Variants in LPAR1 observed in about 807,000 individuals in gnomAD.
LPAR1 encodes LPA receptor 1.
In LPAR1, 5 loss-of-function variants were observed where a neutral mutation model predicts 23.8. That is an observed-to-expected ratio of 0.21 (90% CI 0.11 to 0.44). LPAR1 has a LOEUF of 0.44. LPAR1 is among the 20% of genes least tolerant of loss of function. LPAR1 has a pLI of 0.99. For missense variants in LPAR1, 311 were observed against 482.8 expected (o/e 0.64, Z 3.33); for synonymous variants, 160 against 164.7 (o/e 0.97, Z 0.22).
chr9:111,038,777 A>C, upstream of LPAR1: 1 of 345,648 alleles, frequency 2.9e-6, no homozygotes, highest in Non-Finnish European at 5.8e-6. This position sits in a 1 kb window ranked among gnomAD's most constrained non-coding sequence, Gnocchi z 4.4. Flanking sequence ...TTATCTCAGC[A>C]GCCTCCCCCG....
At chr9:110,969,429 T>C (rs2096336807) in intron 4 of LPAR1, among the ~76,000 whole-genome samples, 4 of 151,970 alleles carry the variant, frequency 2.6e-5, no homozygotes. Flanking sequence ...TACTGAATAG[T>C]GGTCGGGCGC....
intron 5 of LPAR1, among the ~76,000 whole-genome samples, chr9:110,912,550 A>C (rs2134453344): frequency 6.6e-6 from 1 of 152,168 alleles, no homozygotes; most frequent in African/African-American, 2.4e-5. Context: ...TCACAATAAA[A>C]CCCGTTTTCA....
chr9:110,876,184 A>G (rs769734941), intron 5 of LPAR1, among the ~76,000 whole-genome samples: 2 of 152,216 alleles, frequency 1.3e-5, no homozygotes, highest in African/African-American at 2.4e-5. Context: ...CATGTAATAA[A>G]CTGGGTGAAC....
At chr9:110,897,172 C>T (rs1011743) in intron 5 of LPAR1, among the ~76,000 whole-genome samples, 68,539 of 151,990 alleles carry the variant, frequency 0.45, 17,102 homozygotes, top group African/African-American at 0.68. Context: ...TCTCATCTTG[C>T]AGCTCCCATA....
chr9:110,901,953 T>C (rs987303368), intron 5 of LPAR1, among the ~76,000 whole-genome samples: 6 of 152,086 alleles, frequency 3.9e-5, no homozygotes, highest in Non-Finnish European at 8.8e-5. Context: ...CTGGACAAGA[T>C]GGTACAGATA....
intron 2 of LPAR1, among the ~76,000 whole-genome samples, chr9:110,999,769 G>A (rs917923785): frequency 9.2e-5 from 14 of 152,146 alleles, no homozygotes; most frequent in Admixed American, 3.3e-4. Context: ...GGAGTGGCGC[G>A]ATCTACCTCA....
In LPAR1 at chr9:110,968,445, TCA is replaced by T. The variant is rs145027778; in HGVS notation, c.45+3626_45+3627del. ...TTTGCTCCCTCTCTCTCTCTCTCTC[TCA>T]CACACACACATACCTTGGGACACTT... On this transcript the variant is annotated intron_variant, in intron 4 of 5. Transcript: ENST00000683809. Among the ~76,000 whole-genome samples the T allele has an allele frequency of 7.1e-3, 1,081 of 151,416 alleles. 17 individuals are homozygous for T. Among genetic ancestry groups the T allele is most frequent in the African/African-American group, 0.024 (1,011 of 41,284 alleles).
At chr9:110,886,704 A>G (rs2082524737) in intron 5 of LPAR1, among the ~76,000 whole-genome samples, 2 of 152,226 alleles carry the variant, frequency 1.3e-5, no homozygotes, top group Non-Finnish European at 2.9e-5. Flanking sequence ...TATTCTTCAC[A>G]TAGAAAATAA....
intron 4 of LPAR1, among the ~76,000 whole-genome samples, chr9:110,947,754 T>C (rs1374878640): frequency 6.6e-6 from 1 of 152,180 alleles, no homozygotes; most frequent in Non-Finnish European, 1.5e-5. Flanking sequence ...TGAAAGACAA[T>C]TACATACTCA....
chr9:110,980,428 A>G (rs901066046), intron 2 of LPAR1, among the ~76,000 whole-genome samples: 1 of 152,196 alleles, frequency 6.6e-6, no homozygotes, highest in Admixed American at 6.6e-5. Context: ...CAAGCCTCAG[A>G]GCTATTTGAC....
In LPAR1 at chr9:110,914,025, T is replaced by A. The variant is rs191954450; in HGVS notation, c.793+27396A>T. 2.6e-5 allele frequency among the ~76,000 whole-genome samples: 4 copies of A among 152,320 alleles called. No homozygotes were observed. The East Asian group carries it at 5.8e-4, about 22-fold the overall frequency. ...TTGGGACAAAAAGAAGTTCCCTCAT[T>A]GCTTTTTTCCTTTGGTTCCTGTCCT... On this transcript the variant is annotated intron_variant, in intron 5 of 5. Coordinates refer to ENST00000683809, the MANE Select transcript of LPAR1 (RefSeq NM_001351411.2).
chr9:110,913,489 G>A (rs1481726595), intron 5 of LPAR1, among the ~76,000 whole-genome samples: 1 of 147,102 alleles, frequency 6.8e-6, no homozygotes, highest in African/African-American at 2.5e-5. Context: ...CAAAAGTATT[G>A]ATGAAAGGTA....
At chr9:111,001,253 T>C (rs2097123521) in intron 2 of LPAR1, among the ~76,000 whole-genome samples, 2 of 152,180 alleles carry the variant, frequency 1.3e-5, no homozygotes. Flanking sequence ...ATTATTTAAA[T>C]TCAAAGTCCA....
At chr9:111,019,193 C>A (rs1329759267) in intron 2 of LPAR1, among the ~76,000 whole-genome samples, 1 of 151,984 alleles carries the variant, frequency 6.6e-6, no homozygotes, top group African/African-American at 2.4e-5. Context: ...CACTAAGGGC[C>A]AGGTATGGTG....
intron 2 of LPAR1, among the ~76,000 whole-genome samples, chr9:110,976,479 T>G (rs987388455): frequency 6.6e-6 from 1 of 152,210 alleles, no homozygotes; most frequent in Non-Finnish European, 1.5e-5. Context: ...CACTCCAGCC[T>G]GGGCAACAGA....
At chr9:111,033,741 C>T (rs923021273) in intron 2 of LPAR1, among the ~76,000 whole-genome samples, 7 of 152,080 alleles carry the variant, frequency 4.6e-5, no homozygotes, top group African/African-American at 1.7e-4. Context: ...TTAGTAGAGA[C>T]AGGGTTTCAC....
intron 2 of LPAR1, among the ~76,000 whole-genome samples, chr9:111,026,009 G>A (rs562614476): frequency 2.6e-5 from 4 of 152,096 alleles, no homozygotes; most frequent in South Asian, 4.2e-4. Context: ...TTGGCTATAC[G>A]GGCTCTTTTT....
chr9:110,962,620 T>C (rs1330600474), intron 4 of LPAR1, among the ~76,000 whole-genome samples: 1 of 152,224 alleles, frequency 6.6e-6, no homozygotes, highest in Non-Finnish European at 1.5e-5. Context: ...ATTTCTAATC[T>C]ATGCTTTCAG....
At chr9:110,882,873 C>G (rs937265808) in intron 5 of LPAR1, among the ~76,000 whole-genome samples, 1 of 152,074 alleles carries the variant, frequency 6.6e-6, no homozygotes, top group Non-Finnish European at 1.5e-5. Flanking sequence ...ATATATTCAA[C>G]TCACTCATAT....
Sources: allele counts gnomAD v4.1 joint callset (sites outside exome capture counted in the v4.1 genomes callset), GRCh38; gene constraint gnomAD v4.1.1; non-coding constraint Gnocchi (gnomAD v3.1); transcripts MANE v1.5; gene names NCBI Gene and HGNC (gene_info 2026-07-23, HGNC 2026-07-21).